Variants in SLC1A1 observed in about 807,000 individuals in gnomAD.
SLC1A1 encodes excitatory amino acid transporter 3.
SLC1A1 carries 43 observed loss-of-function variants against 53.3 expected under a neutral mutation model. The observed-to-expected ratio is 0.81, with a 90% CI of 0.63 to 1.04. The LOEUF (loss-of-function observed/expected upper bound fraction) is 1.04. SLC1A1 is among the 50% of genes least tolerant of loss of function. SLC1A1 has a pLI of 0.00. For missense variants in SLC1A1, 748 were observed against 664.9 expected, an observed-to-expected ratio of 1.12 and a Z score of -1.37; for synonymous variants, 307 against 243.2, an observed-to-expected ratio of 1.26 and a Z score of -2.44.
intron 1 of SLC1A1, among the ~76,000 whole-genome samples, chr9:4,530,019 G>A (rs1195838047): frequency 6.6e-6 from 1 of 152,144 alleles, no homozygotes; most frequent in Non-Finnish European, 1.5e-5. Context: ...CAAATAGGCT[G>A]AGAGAGTAAC....
chr9:4,544,830 A>C, intron 2 of SLC1A1, 123 bp downstream of exon 2: 2 of 840,934 alleles, frequency 2.4e-6, no homozygotes, highest in Non-Finnish European at 3.8e-6. Context: ...ATCCTGGCTC[A>C]GAAGGTCTCA....
intron 1 of SLC1A1, among the ~76,000 whole-genome samples, chr9:4,509,992 C>T (rs1038867273): frequency 1.4e-4 from 21 of 152,122 alleles, no homozygotes; most frequent in Non-Finnish European, 2.4e-4. Context: ...TGCCACCATG[C>T]CTGGCTAATT....
rs1819277811 is a variant in SLC1A1, at chr9:4,564,329, T to G, written c.326-15T>G. ...AAGGTTCCTAATGCTCTGTGGACGCTGTTCTTGGCCACAGGTATTGTGCTG... is the reference window on the plus strand; with the variant it reads ...AAGGTTCCTAATGCTCTGTGGACGCGGTTCTTGGCCACAGGTATTGTGCTG... On this transcript the variant is annotated splice_polypyrimidine_tract_variant and intron_variant, in intron 3 of 11. Coordinates refer to ENST00000262352, the MANE Select transcript of SLC1A1 (RefSeq NM_004170.6). 4 of 1,585,362 alleles carry G rather than the reference T, an allele frequency of 2.5e-6. No individual in the cohort carries two copies. Among genetic ancestry groups the G allele is most frequent in the Non-Finnish European group, 3.5e-6 (4 of 1,155,254 alleles).
At chr9:4,499,902 A>G (rs1260287523) in intron 1 of SLC1A1, among the ~76,000 whole-genome samples, 4 of 152,222 alleles carry the variant, frequency 2.6e-5, no homozygotes, top group Non-Finnish European at 5.9e-5. Flanking sequence ...GTGCAAATTC[A>G]GGATGTGGTG....
chr9:4,582,936 C>T, intron 10 of SLC1A1, 102 bp from the exon 11 acceptor site: 1 of 1,423,866 alleles, frequency 7.0e-7, no homozygotes, highest in Non-Finnish European at 9.9e-7. Flanking sequence ...AGGGACACAG[C>T]AGTAATAGCC....
chr9:4,557,787 G>A (rs1010270182), intron 2 of SLC1A1, among the ~76,000 whole-genome samples: 13 of 152,142 alleles, frequency 8.5e-5, no homozygotes, highest in Non-Finnish European at 1.5e-4. Context: ...ACTGGGCAGC[G>A]CTAGTCTAGA....
chr9:4,516,643 C>T (rs965017207), intron 1 of SLC1A1, among the ~76,000 whole-genome samples: 1 of 152,204 alleles, frequency 6.6e-6, no homozygotes, highest in Non-Finnish European at 1.5e-5. Context: ...TTTCCCTATG[C>T]TAATCCATTC....
At chr9:4,531,355 C>T (rs1471184412) in intron 1 of SLC1A1, among the ~76,000 whole-genome samples, 1 of 152,182 alleles carries the variant, frequency 6.6e-6, no homozygotes. Flanking sequence ...GTCACTCCCA[C>T]CCTAATATTG....
At chr9:4,529,466 C>A (rs936096583) in intron 1 of SLC1A1, among the ~76,000 whole-genome samples, 2 of 152,166 alleles carry the variant, frequency 1.3e-5, no homozygotes, top group African/African-American at 4.8e-5. Context: ...TGTCTTCCAT[C>A]CTTAAGGGCA....
chr9:4,571,560 CCAG>C (rs1466523238), intron 6 of SLC1A1, among the ~76,000 whole-genome samples: 1 of 152,006 alleles, frequency 6.6e-6, no homozygotes, highest in Non-Finnish European at 1.5e-5. Flanking sequence ...GCCTGTAATC[CCAG>C]CTACTAGGGA....
chr9:4,509,767 C>T (rs1419766082), intron 1 of SLC1A1, among the ~76,000 whole-genome samples: 1 of 152,102 alleles, frequency 6.6e-6, no homozygotes, highest in Non-Finnish European at 1.5e-5. Flanking sequence ...AGGTGCCATG[C>T]TGAAAGGTTT....
At chr9:4,496,137 C>G (rs568623593) in intron 1 of SLC1A1, among the ~76,000 whole-genome samples, 1 of 152,008 alleles carries the variant, frequency 6.6e-6, no homozygotes, top group Non-Finnish European at 1.5e-5. Context: ...TCTGGACAAC[C>G]CCAACATTGG....
intron 1 of SLC1A1, among the ~76,000 whole-genome samples, chr9:4,534,250 C>CA (rs1358921124): frequency 2.6e-5 from 4 of 151,978 alleles, no homozygotes; most frequent in Middle Eastern, 3.2e-3. Flanking sequence ...AAAAACCCTT[C>CA]AAAAAATCAA....
intron 1 of SLC1A1, among the ~76,000 whole-genome samples, chr9:4,498,430 C>A (rs556412576): frequency 6.6e-6 from 1 of 151,962 alleles, no homozygotes; most frequent in Non-Finnish European, 1.5e-5. Flanking sequence ...CACAATACTC[C>A]AAAAACACTA....
intron 6 of SLC1A1, among the ~76,000 whole-genome samples, chr9:4,571,865 T>C (rs1430486142): frequency 6.6e-6 from 1 of 152,062 alleles, no homozygotes; most frequent in East Asian, 1.9e-4. Flanking sequence ...AGACTCCAAA[T>C]GTAGCTAGCA....
At chr9:4,543,987 T>C (rs1455061773) in intron 1 of SLC1A1, among the ~76,000 whole-genome samples, 1 of 152,128 alleles carries the variant, frequency 6.6e-6, no homozygotes, top group Non-Finnish European at 1.5e-5. Flanking sequence ...GAGACCAGCC[T>C]GGGCAACCGA....
At position 4,542,503 on chromosome 9, in the gene SLC1A1, T is replaced by C. The variant is rs151297036; in HGVS notation, c.92-2064T>C. Among the ~76,000 whole-genome samples, 331 of 152,302 alleles carry C rather than the reference T, an allele frequency of 2.2e-3. 1 individual carries two copies. Among genetic ancestry groups the C allele is most frequent in the African/African-American group, 7.7e-3 (319 of 41,578 alleles). ...AAGCCCTGAGATTGGGGCACATGGG[T>C]TTCTCTTGCTATTCAACAGAGTCCT... On this transcript the variant is annotated intron_variant, in intron 1 of 11. Transcript: ENST00000262352.
chr9:4,577,683 C>T (rs1361424190), intron 10 of SLC1A1, among the ~76,000 whole-genome samples: 1 of 152,152 alleles, frequency 6.6e-6, no homozygotes, highest in Non-Finnish European at 1.5e-5. Flanking sequence ...CCATGTTGGC[C>T]AGGCTGGTCT....
At chr9:4,515,472 G>T (rs1821131385) in intron 1 of SLC1A1, among the ~76,000 whole-genome samples, 2 of 152,180 alleles carry the variant, frequency 1.3e-5, no homozygotes, top group Admixed American at 1.3e-4. Flanking sequence ...GCAGGTAATT[G>T]TATATTGAGT....
Sources: gnomAD v4.1 joint callset for allele counts (sites outside exome capture counted in the v4.1 genomes callset) on GRCh38, gnomAD v4.1.1 for gene constraint, MANE v1.5 for transcripts, NCBI Gene and HGNC (gene_info 2026-07-23, HGNC 2026-07-21) for gene names.